Variants in ZNF609 observed in about 807,000 individuals in gnomAD.
The protein encoded by ZNF609 is zinc finger protein 609.
A neutral mutation model predicts 109.5 loss-of-function variants in ZNF609; 11 were observed. The ratio of observed to expected loss-of-function variants is 0.10; its 90% CI spans 0.06 to 0.17. ZNF609 has a LOEUF of 0.17. ZNF609 is among the 10% of genes least tolerant of loss of function. The probability of loss-of-function intolerance (pLI) is 1.00; values close to 1 mark genes in which losing one functional copy is unlikely to be tolerated. For synonymous variants in ZNF609, 646 were observed against 662.0 expected (o/e 0.98, Z 0.37); for missense variants, 1,559 against 1,772.4 (o/e 0.88, Z 2.16).
At chr15:64,501,196 G>A (rs1366473740) in intron 2 of ZNF609, 1 of 152,132 alleles carries the variant, frequency 6.6e-6, no homozygotes, top group African/African-American at 2.4e-5. Context: ...TGATTTCTCT[G>A]TAATTAGATC....
intron 2 of ZNF609, among the ~76,000 whole-genome samples, chr15:64,561,190 C>G (rs545634431): frequency 3.9e-4 from 60 of 152,314 alleles, no homozygotes; most frequent in Middle Eastern, 6.8e-3. Context: ...ACTCCTTTAT[C>G]TAACGTGGTA....
At chr15:64,538,962 G>A (rs559752969) in intron 2 of ZNF609, among the ~76,000 whole-genome samples, 1 of 152,220 alleles carries the variant, frequency 6.6e-6, no homozygotes, top group South Asian at 2.1e-4. Context: ...AGCCTCCTGA[G>A]TAGCTGGGGC....
intron 1 of ZNF609, among the ~76,000 whole-genome samples, chr15:64,493,605 A>G (rs1893444472): frequency 6.6e-6 from 1 of 152,228 alleles, no homozygotes; most frequent in South Asian, 2.1e-4. Flanking sequence ...TAGTACTGAC[A>G]ACTCATGGTG....
At chr15:64,535,867 T>C (rs1168736102) in intron 2 of ZNF609, among the ~76,000 whole-genome samples, 1 of 152,234 alleles carries the variant, frequency 6.6e-6, no homozygotes, top group Non-Finnish European at 1.5e-5. Flanking sequence ...ATTTCTCTAA[T>C]GATAACAGTG....
chr15:64,636,675 T>G (rs529768088), intron 3 of ZNF609, among the ~76,000 whole-genome samples: 3 of 152,366 alleles, frequency 2.0e-5, no homozygotes, highest in South Asian at 4.1e-4. Context: ...GAATGAAGTA[T>G]GGAGAAAGAG....
chr15:64,670,471 AC>A (rs769590068), intron 4 of ZNF609, 38 bp downstream of exon 4: 1 of 1,543,646 alleles, frequency 6.5e-7, no homozygotes, highest in Non-Finnish European at 9.0e-7. Context: ...ATTATTCTGA[AC>A]CACACTAATT....
intron 2 of ZNF609, among the ~76,000 whole-genome samples, chr15:64,595,481 C>T (rs553839928): frequency 9.9e-5 from 15 of 151,974 alleles, no homozygotes; most frequent in Middle Eastern, 3.4e-3. Context: ...AAATTGGGCC[C>T]GAAGACATCA....
chr15:64,584,535 A>G (rs1201534102), intron 2 of ZNF609, among the ~76,000 whole-genome samples: 1 of 152,054 alleles, frequency 6.6e-6, no homozygotes, highest in African/African-American at 2.4e-5. Flanking sequence ...TCGTGACCTC[A>G]AGTAATCCAC....
chr15:64,583,646 C>G (rs1022068403), intron 2 of ZNF609, among the ~76,000 whole-genome samples: 1 of 152,162 alleles, frequency 6.6e-6, no homozygotes, highest in Non-Finnish European at 1.5e-5. Flanking sequence ...TTCATTTCAT[C>G]TCTGTTCTTA....
At chr15:64,653,742 A>G (rs1896450142) in intron 3 of ZNF609, among the ~76,000 whole-genome samples, 2 of 152,208 alleles carry the variant, frequency 1.3e-5, no homozygotes, top group Admixed American at 6.5e-5. Flanking sequence ...CACAAGTAGA[A>G]TATAGCTTTG....
intron 1 of ZNF609, among the ~76,000 whole-genome samples, chr15:64,469,500 C>CTTTTTTTTTTTTTTTTTTTTTTTTTTTT (rs1309775214): frequency 7.6e-6 from 1 of 131,518 alleles, no homozygotes; most frequent in African/African-American, 2.8e-5. Context: ...AAGTGAGCAT[C>CTTTTTTTTTTTTTTTTTTTTTTTTTTTT]TTTTTTTTTT....
intron 2 of ZNF609, among the ~76,000 whole-genome samples, chr15:64,547,929 A>T (rs1459499255): frequency 1.3e-5 from 2 of 152,156 alleles, no homozygotes; most frequent in Non-Finnish European, 2.9e-5. Flanking sequence ...ACCCTTGTAG[A>T]TTACTTTTTG....
chr15:64,675,273 A>G lies in ZNF609; in HGVS notation c.2419A>G (p.Ile807Val). 1 of 1,614,026 alleles carries G rather than the reference A, an allele frequency of 6.2e-7. No individual in the cohort carries two copies. Among genetic ancestry groups the G allele is most frequent in the Non-Finnish European group, 8.5e-7 (1 of 1,180,026 alleles). Residue 807 changes from isoleucine to valine, a missense_variant, in exon 5 of 10, where the codon ATT becomes GTT. Around this residue, in one of 4 missense-constraint regions of ZNF609, gnomAD observed 1,204 missense variants for 1,314.1 expected, o/e 0.92. Coordinates refer to ENST00000326648, the MANE Select transcript of ZNF609 (RefSeq NM_015042.2). ...CACGGACAATGCCCCCAGCCCTTCC[A>G]TTGGAGGCAGTAGCCGCCTTGAAAA... is the stretch of plus-strand genomic sequence containing the variant. ...SFTDNAPSPS[I>V]GGSSRLENTT... is the part of the protein sequence containing the mutation.
At chr15:64,610,094 T>C (rs186151476) in intron 2 of ZNF609, among the ~76,000 whole-genome samples, 98 of 152,242 alleles carry the variant, frequency 6.4e-4, no homozygotes, top group African/African-American at 2.3e-3. Flanking sequence ...CCTAGCACTT[T>C]GGGAGGCCAA....
chr15:64,515,745 T>C (rs975301808), intron 2 of ZNF609, among the ~76,000 whole-genome samples: 4 of 151,936 alleles, frequency 2.6e-5, no homozygotes, highest in African/African-American at 9.7e-5. Flanking sequence ...GAGACCAGCC[T>C]AGATAACATG....
chr15:64,496,043 T>C (rs558901982), intron 1 of ZNF609, among the ~76,000 whole-genome samples: 33 of 152,306 alleles, frequency 2.2e-4, no homozygotes, highest in Non-Finnish European at 4.1e-4. Context: ...GGTCTTGAAC[T>C]CCTGACCTCA....
chr15:64,629,945 C>T (rs1439850971), intron 3 of ZNF609, among the ~76,000 whole-genome samples: 4 of 152,106 alleles, frequency 2.6e-5, no homozygotes, highest in Admixed American at 6.6e-5. Context: ...TTGCCTAATA[C>T]AGTTTCACTG....
rs777350620 is a variant in ZNF609, at chr15:64,675,061, A to C, written c.2207A>C (p.Glu736Ala). The C allele has an allele frequency of 6.2e-7, 1 of 1,614,188 alleles. No homozygotes were observed. ...AAAAAGAAAGACAAAAAAAAGAAGG[A>C]ATCTTCAAAGGAACTTGAAAGTCCT... is the stretch of plus-strand genomic sequence containing the variant. The part of the protein sequence containing the change: ...DKKKKDKKKK[E>A]SSKELESPLT... Residue 736 changes from glutamate (E) to alanine (A), a missense_variant, in exon 5 of 10, where the codon GAA (glutamate) becomes GCA (alanine). Glu to Ala is a moderately radical substitution (Grantham distance 107). Coordinates refer to ENST00000326648, the MANE Select transcript of ZNF609 (RefSeq NM_015042.2).
In ZNF609 at chr15:64,645,056, TCTTC is replaced by T. The variant is rs1215784646; in HGVS notation, c.973+22024_973+22027del. The stretch of plus-strand genomic sequence containing the variant: ...TTCTTCCTTCCTTTCTTTCTTCCTT[TCTTC>T]CTTCCTTCCTTCCTTCCTTTCTTTC... On this transcript the variant is annotated intron_variant, in intron 3 of 9. Coordinates refer to ENST00000326648, the MANE Select transcript of ZNF609 (RefSeq NM_015042.2). Among the ~76,000 whole-genome samples the T allele has an allele frequency of 1.2e-3, 175 of 141,890 alleles. No homozygotes were observed. The East Asian group carries it at 0.017, about 14-fold the overall frequency. The allele number at this position is 141,890 out of a possible 152,430, so 93.1% of individuals were successfully genotyped here. A position where few individuals can be genotyped will look rare whatever the true frequency, so the allele number is the denominator to read the frequency against.
Sources: gnomAD v4.1 joint callset for allele counts (sites outside exome capture counted in the v4.1 genomes callset) on GRCh38, gnomAD v4.1.1 for gene constraint, gnomAD v4.1.1 regional missense constraint, MANE v1.5 for transcripts, NCBI Gene and HGNC (gene_info 2026-07-23, HGNC 2026-07-21) for gene names.